Variants in HDAC9 observed in about 807,000 individuals in gnomAD.
HDAC9 encodes histone deacetylase 9.
Under a neutral mutation model 139.4 loss-of-function variants are expected in HDAC9, and 41 were observed. The ratio of observed to expected loss-of-function variants is 0.29; its 90% CI spans 0.23 to 0.38. HDAC9 has a LOEUF of 0.38. Among genes scored for constraint, HDAC9 ranks in the 10% least tolerant of loss-of-function variants. HDAC9 has a pLI of 1.00. For synonymous variants in HDAC9, 517 were observed against 476.2 expected (o/e 1.09, Z -1.12); for missense variants, 1,147 against 1,297.0 (o/e 0.88, Z 1.78).
Position 18,469,927 on chromosome 7 carries a change from G to C in HDAC9, c.-41-26335G>C, listed in dbSNP as rs56396451. Among the ~76,000 whole-genome samples the C allele has an allele frequency of 2.1e-4, 32 of 152,282 alleles. 1 individual carries two copies. The highest frequency in any genetic ancestry group is 3.7e-4 in the Non-Finnish European group (25 of 68,018). On this transcript the variant is annotated intron_variant, in intron 1 of 3. Coordinates refer to the HDAC9 transcript ENST00000413509. Reference sequence around the variant, plus strand: ...TTGCATTTAATAAGCCAGTAGCAGAGAGGAATATAAGGAGCTATGTCAGAA... The same window carrying C: ...TTGCATTTAATAAGCCAGTAGCAGACAGGAATATAAGGAGCTATGTCAGAA...
At chr7:18,547,768 C>G (rs2128644439) in intron 2 of HDAC9, among the ~76,000 whole-genome samples, 1 of 151,932 alleles carries the variant, frequency 6.6e-6, no homozygotes, top group South Asian at 2.1e-4. Flanking sequence ...ACAGTGTTCA[C>G]AGCATCTTCA....
At chr7:18,424,248 A>C (rs1562972439) in intron 1 of HDAC9, among the ~76,000 whole-genome samples, 1 of 152,220 alleles carries the variant, frequency 6.6e-6, no homozygotes, top group Non-Finnish European at 1.5e-5. Flanking sequence ...CAGTGTAGTG[A>C]AAAGAATATA....
intron 1 of HDAC9, among the ~76,000 whole-genome samples, chr7:18,115,314 A>T (rs768818309): frequency 5.9e-5 from 9 of 151,634 alleles, no homozygotes; most frequent in Non-Finnish European, 1.3e-4. Context: ...AAAAATCCAT[A>T]TATGGATCAA....
intron 8 of HDAC9, among the ~76,000 whole-genome samples, chr7:18,638,902 C>CTT: frequency 6.6e-6 from 1 of 151,986 alleles, no homozygotes; most frequent in Non-Finnish European, 1.5e-5. Context: ...TCAAGGATGT[C>CTT]TTTACCTATC....
intron 1 of HDAC9, among the ~76,000 whole-genome samples, chr7:18,312,272 G>T (rs1029906768): frequency 6.6e-6 from 1 of 152,172 alleles, no homozygotes; most frequent in Non-Finnish European, 1.5e-5. Flanking sequence ...TTCCTTGGTT[G>T]TCTCTCTTTT....
intron 6 of HDAC9, among the ~76,000 whole-genome samples, chr7:18,601,276 G>T (rs181621642): frequency 6.6e-6 from 1 of 152,218 alleles, no homozygotes; most frequent in Non-Finnish European, 1.5e-5. Context: ...ATGGTTCATT[G>T]CTGGCATATA....
chr7:18,963,246 C>T (rs1783638189), intron 24 of HDAC9, among the ~76,000 whole-genome samples: 1 of 152,096 alleles, frequency 6.6e-6, no homozygotes, highest in Non-Finnish European at 1.5e-5. Flanking sequence ...GGCATCAGTG[C>T]TATAATGCAC....
At chr7:18,513,535 C>T (rs113300057) in intron 2 of HDAC9, among the ~76,000 whole-genome samples, 3 of 152,290 alleles carry the variant, frequency 2.0e-5, no homozygotes, top group African/African-American at 7.2e-5. Flanking sequence ...CAAAGGACAG[C>T]AATTCCAGGC....
At chr7:18,557,984 C>A (rs537669569) in intron 2 of HDAC9, among the ~76,000 whole-genome samples, 126 of 152,128 alleles carry the variant, frequency 8.3e-4, no homozygotes, top group African/African-American at 2.8e-3. Context: ...AGACTTTAAA[C>A]ATTTTTAAAA....
intron 2 of HDAC9, among the ~76,000 whole-genome samples, chr7:18,180,183 T>A (rs1789280731): frequency 6.7e-6 from 1 of 150,352 alleles, no homozygotes; most frequent in South Asian, 2.1e-4. Flanking sequence ...TTTACACTGT[T>A]TGTCATGCCA....
intron 2 of HDAC9, among the ~76,000 whole-genome samples, chr7:18,258,028 G>A (rs903178673): frequency 3.9e-5 from 6 of 152,134 alleles, no homozygotes; most frequent in African/African-American, 1.2e-4. Flanking sequence ...CTGTTGAGAA[G>A]CACATATTAA....
intron 22 of HDAC9, among the ~76,000 whole-genome samples, chr7:18,913,795 T>A (rs1802947218): frequency 6.6e-6 from 1 of 152,074 alleles, no homozygotes; most frequent in Admixed American, 6.6e-5. Context: ...GGATGAAGCA[T>A]CCACGATTCA....
intron 1 of HDAC9, among the ~76,000 whole-genome samples, chr7:18,402,809 T>G (rs1787669068): frequency 6.6e-6 from 1 of 152,156 alleles, no homozygotes; most frequent in Admixed American, 6.5e-5. Context: ...GGCACCTCTT[T>G]TAAGAACAGA....
intron 12 of HDAC9, among the ~76,000 whole-genome samples, chr7:18,722,684 T>G (rs1562882923): frequency 6.6e-6 from 1 of 152,150 alleles, no homozygotes; most frequent in African/African-American, 2.4e-5. Flanking sequence ...ACTCAGTGAT[T>G]AATATGCAGT....
rs550558501 is a variant in HDAC9, at chr7:18,489,448, G to T, written c.-41-6814G>T. On this transcript the variant is annotated intron_variant, in intron 1 of 3. Transcript: ENST00000413509. ...ATTGAATACCTATTTGCCAGGTATT[G>T]TATAATTCTCTATCATCCTTATAAC... Among the ~76,000 whole-genome samples the T allele has an allele frequency of 7.2e-5, 11 of 152,108 alleles. No homozygotes were observed. In the East Asian group the frequency reaches 1.5e-3, roughly 21 times the overall value.
chr7:18,954,344 G>T (rs775236342), intron 24 of HDAC9, 114 bp downstream of exon 24: 3 of 839,874 alleles, frequency 3.6e-6, no homozygotes, highest in Non-Finnish European at 5.6e-6. Flanking sequence ...TTGCACATGC[G>T]TTCTTAAGTA....
At chr7:18,269,747 C>CAT (rs1356118519) in intron 2 of HDAC9, among the ~76,000 whole-genome samples, 2 of 151,866 alleles carry the variant, frequency 1.3e-5, no homozygotes, top group African/African-American at 2.4e-5. Context: ...CGTATATATA[C>CAT]ATATATACAC....
At chr7:18,270,546 T>C (rs1473899258) in intron 2 of HDAC9, among the ~76,000 whole-genome samples, 1 of 152,164 alleles carries the variant, frequency 6.6e-6, no homozygotes, top group African/African-American at 2.4e-5. Context: ...ATAAAACAGG[T>C]TGTCTATCAA....
At chr7:18,896,416 A>G (rs1801203101) in intron 22 of HDAC9, among the ~76,000 whole-genome samples, 2 of 152,058 alleles carry the variant, frequency 1.3e-5, no homozygotes, top group Non-Finnish European at 2.9e-5. Context: ...TAAAAGCACA[A>G]GGTAGAAACT....
Sources: gnomAD v4.1 joint callset for allele counts (sites outside exome capture counted in the v4.1 genomes callset) on GRCh38, gnomAD v4.1.1 for gene constraint, MANE v1.5 for transcripts, NCBI Gene and HGNC (gene_info 2026-07-23, HGNC 2026-07-21) for gene names.